RFTN1: variants seen among roughly 807,000 people sequenced by gnomAD.
The protein encoded by RFTN1 is raftlin.
A neutral mutation model predicts 46.5 loss-of-function variants in RFTN1; 26 were observed. The ratio of observed to expected loss-of-function variants is 0.56; its 90% CI spans 0.41 to 0.78. The LOEUF (loss-of-function observed/expected upper bound fraction) is 0.78. Among genes scored for constraint, RFTN1 ranks in the 30% least tolerant of loss-of-function variants. RFTN1 has a pLI of 0.00. For synonymous variants in RFTN1, 261 were observed against 284.2 expected, an observed-to-expected ratio of 0.92 and a Z score of 0.82; for missense variants, 693 against 718.7, an observed-to-expected ratio of 0.96 and a Z score of 0.41.
In RFTN1 at chr3:16,335,628, G is replaced by A. The variant is rs1403217187; in HGVS notation, c.1147-8752C>T. On this transcript the variant is annotated intron_variant, in intron 7 of 9. Transcript: ENST00000334133. The surrounding 1 kb of genome is among the most constrained non-coding windows in gnomAD (Gnocchi z 4.7). ...CAACACACACTGGGACCTGTTGGAG[G>A]TGTGGGAGGAGGGAGAGCATCAGGA... Among the ~76,000 whole-genome samples, 1 of 152,184 alleles carries A rather than the reference G, an allele frequency of 6.6e-6. No homozygotes were observed. Among genetic ancestry groups the A allele is most frequent in the Non-Finnish European group, 1.5e-5 (1 of 68,040 alleles).
intron 1 of RFTN1, among the ~76,000 whole-genome samples, chr3:16,502,301 C>T (rs1170922027): frequency 6.6e-6 from 1 of 150,830 alleles, no homozygotes; most frequent in South Asian, 2.1e-4. Flanking sequence ...GTTGAGGCTG[C>T]AGTGAGCCAT....
In RFTN1 at chr3:16,443,878, G is replaced by A. The variant is rs549687362; in HGVS notation, c.146-9841C>T. ...CATCCATTAATAAAACTCAGAAGATGGCATTATTGTTCACCTCACCAGTCC... is the reference window on the plus strand; with the variant it reads ...CATCCATTAATAAAACTCAGAAGATAGCATTATTGTTCACCTCACCAGTCC... On this transcript the variant is annotated intron_variant, in intron 2 of 9. Transcript: ENST00000334133. This position sits in a 1 kb window ranked among gnomAD's most constrained non-coding sequence, Gnocchi z 5.5. 6.6e-6 allele frequency among the ~76,000 whole-genome samples: 1 copy of A among 152,046 alleles called. No individual in the cohort carries two copies. Among genetic ancestry groups the A allele is most frequent in the African/African-American group, 2.4e-5 (1 of 41,464 alleles).
intron 1 of RFTN1, among the ~76,000 whole-genome samples, chr3:16,510,853 C>G: frequency 6.6e-6 from 1 of 151,780 alleles, no homozygotes; most frequent in East Asian, 1.9e-4. Flanking sequence ...TCACAATAAC[C>G]AAAGAAAGAA....
rs1229323709 is a variant in RFTN1 at position 16,337,699 on chromosome 3, G to A, written c.1147-10823C>T. Among the ~76,000 whole-genome samples the A allele has an allele frequency of 3.6e-4, 52 of 145,584 alleles. No homozygotes were observed. The highest frequency in any genetic ancestry group is 6.1e-4 in the Non-Finnish European group (41 of 67,190). On this transcript the variant is annotated intron_variant, in intron 7 of 9. Transcript: ENST00000334133. The surrounding 1 kb of genome is among the most constrained non-coding windows in gnomAD (Gnocchi z 5.0). ...GGAGGTTGCAGTGAGCCCAGATTGC[G>A]CCACTGCACTCCAGCCTGGCGACAG... is the stretch of plus-strand genomic sequence containing the variant.
At chr3:16,445,479 T>TCACACA (rs1319902709) in intron 2 of RFTN1, among the ~76,000 whole-genome samples, 7 of 79,966 alleles carry the variant, frequency 8.8e-5, no homozygotes, top group Admixed American at 5.9e-4. Flanking sequence ...TCTCTCTCTC[T>TCACACA]CTCTCACACA....
chr3:16,403,557 G>GACAC lies in RFTN1; in HGVS notation c.441+5814_441+5817dup, dbSNP rs201161619. Among the ~76,000 whole-genome samples, 41 of 56,160 alleles carry GACAC rather than the reference G, an allele frequency of 7.3e-4. 12 individuals carry two copies. Among genetic ancestry groups the GACAC allele is most frequent in the South Asian group, 1.5e-3 (3 of 1,948 alleles). 36.8% of individuals were successfully genotyped at this position (56,160 alleles called of 152,430 possible). ...GCAGCATATGAGAGACAGAGACAGA[G>GACAC]ACACACACACACACACATATATTAT... On this transcript the variant is annotated intron_variant, in intron 4 of 9. Transcript: ENST00000334133.
In RFTN1 at chr3:16,317,952, C is replaced by T. The variant is rs1209364868; in HGVS notation, c.1333-720G>A. Among the ~76,000 whole-genome samples, 3 of 152,160 alleles carry T rather than the reference C, an allele frequency of 2.0e-5. No individual in the cohort carries two copies. The East Asian group carries it at 5.8e-4, about 29-fold the overall frequency. The stretch of plus-strand genomic sequence containing the variant: ...TGACTGCATCACAGCCCAAATTCTC[C>T]CTCTGCCCGCTACTGTACCGACAAG... On this transcript the variant is annotated intron_variant, in intron 9 of 9. Transcript: ENST00000334133. The surrounding 1 kb of genome is among the most constrained non-coding windows in gnomAD (Gnocchi z 4.3).
At position 16,451,681 on chromosome 3, in the gene RFTN1, T is replaced by A. The variant is rs547349436; in HGVS notation, c.146-17644A>T. ...TCTTCACTAAGCACATGTCATGCAC[T>A]GTGGCCATAACTTTTGCAGCCTGAG... On this transcript the variant is annotated intron_variant, in intron 2 of 9. Coordinates refer to ENST00000334133, the MANE Select transcript of RFTN1 (RefSeq NM_015150.2). This position sits in a 1 kb window ranked among gnomAD's most constrained non-coding sequence, Gnocchi z 4.2. Among the ~76,000 whole-genome samples the A allele has an allele frequency of 3.7e-4, 56 of 150,780 alleles. No individual in the cohort carries two copies. The South Asian group carries it at 0.011, about 30-fold the overall frequency.
Position 16,442,439 on chromosome 3 carries a change from T to C in RFTN1, c.146-8402A>G, listed in dbSNP as rs563127515. Among the ~76,000 whole-genome samples, 1 of 152,328 alleles carries C rather than the reference T, an allele frequency of 6.6e-6. No homozygotes were observed. Among genetic ancestry groups the C allele is most frequent in the East Asian group, 1.9e-4 (1 of 5,188 alleles). On this transcript the variant is annotated intron_variant, in intron 2 of 9. Transcript: ENST00000334133. This position sits in a 1 kb window ranked among gnomAD's most constrained non-coding sequence, Gnocchi z 4.1. ...GCTTTCACAAAAAAAAACTATTCTT[T>C]TTTTAAATTTTAATGGATTTTTGTT... is the stretch of plus-strand genomic sequence containing the variant.
Position 16,427,342 on chromosome 3 carries a change from T to A in RFTN1, c.332+6509A>T, listed in dbSNP as rs140582582. 2.6e-3 allele frequency among the ~76,000 whole-genome samples: 390 copies of A among 152,242 alleles called. 1 individual carries two copies. Among genetic ancestry groups the A allele is most frequent in the African/African-American group, 8.9e-3 (370 of 41,530 alleles). ...TGAGCTTGCAAGCCCTGTCTTAGAA[T>A]AAAGACAGAGTCTTCAGAATTTTAG... On this transcript the variant is annotated intron_variant, in intron 3 of 9. Transcript: ENST00000334133. This position sits in a 1 kb window ranked among gnomAD's most constrained non-coding sequence, Gnocchi z 5.4.
At chr3:16,354,432 A>G (rs1288100071) in intron 7 of RFTN1, among the ~76,000 whole-genome samples, 1 of 152,254 alleles carries the variant, frequency 6.6e-6, no homozygotes, top group Non-Finnish European at 1.5e-5. Context: ...TGCGTGGAGC[A>G]GAAACTTGAG....
intron 5 of RFTN1, among the ~76,000 whole-genome samples, chr3:16,372,051 A>G (rs2073531432): frequency 1.3e-5 from 2 of 152,214 alleles, no homozygotes; most frequent in African/African-American, 4.8e-5. Context: ...TACCGAGGGC[A>G]AGAGGATAAG....
chr3:16,443,665 G>A lies in RFTN1; in HGVS notation c.146-9628C>T, dbSNP rs781337084. 3.3e-5 allele frequency among the ~76,000 whole-genome samples: 5 copies of A among 152,060 alleles called. No homozygotes were observed. Among genetic ancestry groups the A allele is most frequent in the African/African-American group, 7.3e-5 (3 of 41,368 alleles). On this transcript the variant is annotated intron_variant, in intron 2 of 9. Coordinates refer to ENST00000334133, the MANE Select transcript of RFTN1 (RefSeq NM_015150.2). This position sits in a 1 kb window ranked among gnomAD's most constrained non-coding sequence, Gnocchi z 5.5. ...ATGACTGTTAAAGCATCAGGCTGTC[G>A]TGACAATGGGAGCGGGGAAGAGTTA...
chr3:16,316,787 G>C lies in RFTN1; in HGVS notation c.*41C>G, dbSNP rs1228335759. The C allele has an allele frequency of 6.2e-7, 1 of 1,611,298 alleles. No homozygotes were observed. The highest frequency in any genetic ancestry group is 1.1e-5 in the South Asian group (1 of 90,796). Reference sequence around the variant, plus strand: ...ACCAGCTGTTGGTAAGATGCCTTGGGTTTGGCAACTCACCTAGTTTTAGCA... The same window carrying C: ...ACCAGCTGTTGGTAAGATGCCTTGGCTTTGGCAACTCACCTAGTTTTAGCA... On this transcript the variant is annotated 3_prime_UTR_variant, in exon 10 of 10. Transcript: ENST00000334133. This position sits in a 1 kb window ranked among gnomAD's most constrained non-coding sequence, Gnocchi z 4.5.
In RFTN1 at chr3:16,413,917, T is replaced by A. The variant is rs1253108356; in HGVS notation, c.333-4434A>T. 6.6e-6 allele frequency among the ~76,000 whole-genome samples: 1 copy of A among 152,194 alleles called. No homozygotes were observed. Among genetic ancestry groups the A allele is most frequent in the Non-Finnish European group, 1.5e-5 (1 of 68,028 alleles). On this transcript the variant is annotated intron_variant, in intron 3 of 9. Coordinates refer to ENST00000334133, the MANE Select transcript of RFTN1 (RefSeq NM_015150.2). This position sits in a 1 kb window ranked among gnomAD's most constrained non-coding sequence, Gnocchi z 4.7. ...CTTTCTGTGCTTCAGTTTCTTTCAC[T>A]AATGAATGGGATATTATACGGAGCT...
At chr3:16,350,342 G>C (rs1295718450) in intron 7 of RFTN1, 1 of 143,464 alleles carries the variant, frequency 7.0e-6, no homozygotes, top group Admixed American at 7.1e-5. Context: ...GTGAACACAT[G>C]CATTTGTTTC....
chr3:16,329,492 G>T lies in RFTN1; in HGVS notation c.1147-2616C>A, dbSNP rs1271250024. Among the ~76,000 whole-genome samples the T allele has an allele frequency of 6.6e-6, 1 of 152,130 alleles. No individual in the cohort carries two copies. The highest frequency in any genetic ancestry group is 1.5e-5 in the Non-Finnish European group (1 of 68,024). On this transcript the variant is annotated intron_variant, in intron 7 of 9. Coordinates refer to ENST00000334133, the MANE Select transcript of RFTN1 (RefSeq NM_015150.2). This position sits in a 1 kb window ranked among gnomAD's most constrained non-coding sequence, Gnocchi z 4.5. Reference sequence around the variant, plus strand: ...GTCCCTTCCCTGAAGCCTCTATCAGGCCAGAGATGGCCCAGCAGTTGTGAC... The same window carrying T: ...GTCCCTTCCCTGAAGCCTCTATCAGTCCAGAGATGGCCCAGCAGTTGTGAC...
rs768978259 is a variant in RFTN1 at position 16,342,229 on chromosome 3, G to A, written c.1147-15353C>T. Among the ~76,000 whole-genome samples, 1 of 147,340 alleles carries A rather than the reference G, an allele frequency of 6.8e-6. No homozygotes were observed. The highest frequency in any genetic ancestry group is 1.5e-5 in the Non-Finnish European group (1 of 67,026). On this transcript the variant is annotated intron_variant, in intron 7 of 9. Transcript: ENST00000334133. The surrounding 1 kb of genome is among the most constrained non-coding windows in gnomAD (Gnocchi z 4.0). ...CCCCCACCCACCCCGAGGCAACCAC[G>A]AGTCCACTTTTTGTCTCTATGCACT...
At chr3:16,333,315 GA>G (rs2070512218) in intron 7 of RFTN1, among the ~76,000 whole-genome samples, 2 of 152,212 alleles carry the variant, frequency 1.3e-5, no homozygotes, top group Admixed American at 1.3e-4. Flanking sequence ...ACCTTAGCTA[GA>G]AAAGTGCACA....
Sources: allele counts gnomAD v4.1 joint callset (sites outside exome capture counted in the v4.1 genomes callset), GRCh38; gene constraint gnomAD v4.1.1; non-coding constraint Gnocchi (gnomAD v3.1); transcripts MANE v1.5; gene names NCBI Gene and HGNC (gene_info 2026-07-23, HGNC 2026-07-21).